The following HDX variants were observed in gnomAD, a reference collection of about 807,000 sequenced individuals.
HDX encodes the protein chromosome X open reading frame 43.
A neutral mutation model predicts 45.2 loss-of-function variants in HDX; 19 were observed. The ratio of observed to expected loss-of-function variants is 0.42; its 90% confidence interval spans 0.29 to 0.62. The LOEUF (loss-of-function observed/expected upper bound fraction) is 0.62. HDX is among the 20% of genes least tolerant of loss of function. The pLI is 0.20. For missense variants in HDX, 532 were observed against 493.9 expected, an observed-to-expected ratio of 1.08 and a Z score of -0.73; for synonymous variants, 188 against 172.8, an observed-to-expected ratio of 1.09 and a Z score of -0.69.
At chrX:84,374,557 C>A (rs375447674) in intron 5 of HDX, among the ~76,000 whole-genome samples, 2 of 37,609 alleles carry the variant, frequency 5.3e-5, no homozygotes, top group Non-Finnish European at 9.0e-5. Context: ...GGTACCAAAA[C>A]AGAACAGAAC....
intron 5 of HDX, among the ~76,000 whole-genome samples, chrX:84,373,695 A>T (rs982428254): frequency 3.6e-5 from 4 of 111,418 alleles, no homozygotes; most frequent in African/African-American, 1.3e-4. Flanking sequence ...AAGGCCTTTG[A>T]CAAAATTCAA....
intron 5 of HDX, among the ~76,000 whole-genome samples, chrX:84,407,582 G>T (rs1455413289): frequency 9.0e-6 from 1 of 111,408 alleles, no homozygotes; most frequent in Non-Finnish European, 1.9e-5. Flanking sequence ...ACTCAATAAT[G>T]AGGTTTCTGA....
At chrX:84,400,959 T>C (rs878877511) in intron 5 of HDX, among the ~76,000 whole-genome samples, 1 of 111,865 alleles carries the variant, frequency 8.9e-6, no homozygotes, top group African/African-American at 3.2e-5. Context: ...GGGAAAGGAT[T>C]CCCTGTTTAA....
intron 5 of HDX, among the ~76,000 whole-genome samples, chrX:84,428,901 C>T (rs773588807): frequency 1.8e-5 from 2 of 110,067 alleles, no homozygotes; most frequent in Non-Finnish European, 3.8e-5. Flanking sequence ...ATAGTGCGCG[C>T]TATGGACCAA....
chrX:84,383,264 A>C (rs1484500038), intron 5 of HDX, among the ~76,000 whole-genome samples: 1 of 111,165 alleles, frequency 9.0e-6, no homozygotes, highest in Non-Finnish European at 1.9e-5. Flanking sequence ...CCAAAGAGAG[A>C]AAAGACTATT....
At chrX:84,399,487 A>T (rs993709471) in intron 5 of HDX, among the ~76,000 whole-genome samples, 1 of 111,246 alleles carries the variant, frequency 9.0e-6, no homozygotes, top group African/African-American at 3.3e-5. Context: ...ATTTCTGAAC[A>T]CATACACCCT....
chrX:84,419,500 G>A (rs1209013639), intron 5 of HDX, among the ~76,000 whole-genome samples: 1 of 111,691 alleles, frequency 9.0e-6, no homozygotes, highest in African/African-American at 3.3e-5. Flanking sequence ...GTGTCTGAGT[G>A]CCATCTCAGC....
intron 1 of HDX, among the ~76,000 whole-genome samples, chrX:84,500,566 A>T (rs1207566138): frequency 2.7e-5 from 3 of 110,969 alleles, no homozygotes; most frequent in African/African-American, 9.8e-5. Context: ...TTCTAGGAAA[A>T]GTGAGGTCAG....
intron 6 of HDX, among the ~76,000 whole-genome samples, chrX:84,360,111 G>T (rs763487522): frequency 8.9e-6 from 1 of 111,883 alleles, no homozygotes; most frequent in Non-Finnish European, 1.9e-5. Flanking sequence ...CCATTAAAAA[G>T]TGGGCAAAGG....
intron 4 of HDX, among the ~76,000 whole-genome samples, chrX:84,452,474 C>A: frequency 9.3e-6 from 1 of 107,218 alleles, no homozygotes; most frequent in African/African-American, 3.4e-5. Context: ...ACAAGGAAAA[C>A]TACAAAACAC....
chrX:84,333,815 T>G lies in HDX; in HGVS notation c.1768A>C (p.Ser590Arg). 1 of 963,584 alleles carries G rather than the reference T, an allele frequency of 1.0e-6. No individual in the cohort carries two copies. Among genetic ancestry groups the G allele is most frequent in the African/African-American group, 1.9e-5 (1 of 52,854 alleles). The allele number at this position is 963,584 out of a possible 1,213,427, so 79.4% of individuals were successfully genotyped here. A position where few individuals can be genotyped will look rare whatever the true frequency, so the allele number is the denominator to read the frequency against. The stretch of plus-strand genomic sequence containing the variant: ...ACTTCAGAATTACTTATCATGTCAC[T>G]TTCTTCATCATCAATAATTTCTATT... Reference protein sequence around the residue: ...VKIEIIDDEESDMISNSEVEQ... With the variant: ...VKIEIIDDEERDMISNSEVEQ... The change falls in exon 9 of 11, where the codon AGT (serine) becomes CGT (arginine). Residue 590 changes from serine (S) to arginine (R), a missense_variant. Coordinates refer to ENST00000373177, the MANE Select transcript of HDX (RefSeq NM_001177479.2).
At chrX:84,393,998 A>G (rs963880235) in intron 5 of HDX, among the ~76,000 whole-genome samples, 5 of 109,818 alleles carry the variant, frequency 4.6e-5, no homozygotes, top group Admixed American at 9.7e-5. Context: ...TTTAGTCCCT[A>G]TTTCATTGAA....
intron 5 of HDX, among the ~76,000 whole-genome samples, chrX:84,395,552 A>G (rs190527907): frequency 1.8e-5 from 2 of 111,426 alleles, no homozygotes; most frequent in African/African-American, 6.5e-5. Flanking sequence ...TGCCATGGAA[A>G]AGACCTTTAT....
intron 6 of HDX, among the ~76,000 whole-genome samples, chrX:84,345,675 G>A (rs1168963027): frequency 9.0e-6 from 1 of 111,600 alleles, no homozygotes; most frequent in East Asian, 2.8e-4. Context: ...TGGATCATAT[G>A]GTTATATGTT....
chrX:84,371,126 A>G (rs2037884499), intron 5 of HDX, among the ~76,000 whole-genome samples: 1 of 111,985 alleles, frequency 8.9e-6, no homozygotes, highest in Non-Finnish European at 1.9e-5. Flanking sequence ...ACTGGTAACA[A>G]ATAGAAGCTG....
At chrX:84,476,535 ACT>A (rs1434837900) in intron 2 of HDX, among the ~76,000 whole-genome samples, 1 of 80,165 alleles carries the variant, frequency 1.2e-5, no homozygotes, top group African/African-American at 5.4e-5. Context: ...ACAAAAAGAA[ACT>A]CTGTCTCAAA....
chrX:84,437,305 C>CT (rs1246398620), intron 5 of HDX, among the ~76,000 whole-genome samples: 8 of 109,020 alleles, frequency 7.3e-5, no homozygotes, highest in African/African-American at 1.0e-4. Context: ...CCTTAGGAGA[C>CT]TTTTTTTTTA....
At chrX:84,348,298 C>A in intron 6 of HDX, among the ~76,000 whole-genome samples, 1 of 111,495 alleles carries the variant, frequency 9.0e-6, no homozygotes, top group Middle Eastern at 4.7e-3. Context: ...TGTTTTTGGT[C>A]TCTAGCATTT....
At chrX:84,408,938 A>T (rs5922989) in intron 5 of HDX, among the ~76,000 whole-genome samples, 14,837 of 110,319 alleles carry the variant, frequency 0.13, 1,052 homozygotes, top group Non-Finnish European at 0.2. Flanking sequence ...TACTGAAGTC[A>T]TTTACCAGAG....
Sources: gnomAD v4.1 joint callset for allele counts (sites outside exome capture counted in the v4.1 genomes callset) on GRCh38, gnomAD v4.1.1 for gene constraint, MANE v1.5 for transcripts, NCBI Gene and HGNC (gene_info 2026-07-23, HGNC 2026-07-21) for gene names.